The following ZNF280D variants were observed in gnomAD, a reference collection of about 807,000 sequenced individuals.
The protein encoded by ZNF280D is suppressor of hairy wing homolog 4.
ZNF280D carries 39 observed loss-of-function variants against 94.7 expected under a neutral mutation model. The ratio of observed to expected loss-of-function variants is 0.41; its 90% CI spans 0.32 to 0.54. The LOEUF is 0.54. ZNF280D is among the 20% of genes least tolerant of loss of function. ZNF280D has a pLI of 0.22. For synonymous variants in ZNF280D, 398 were observed against 377.6 expected, an observed-to-expected ratio of 1.05 and a Z score of -0.63; for missense variants, 1,090 against 1,149.3, an observed-to-expected ratio of 0.95 and a Z score of 0.75.
intron 1 of ZNF280D, among the ~76,000 whole-genome samples, chr15:56,719,553 C>A (rs78692403): frequency 0.015 from 2,232 of 152,060 alleles, 52 homozygotes; most frequent in African/African-American, 0.052. Flanking sequence ...TTATAAAATG[C>A]CCAAACTCAG....
chr15:56,644,661 C>T (rs1402254503), intron 19 of ZNF280D, among the ~76,000 whole-genome samples: 1 of 152,100 alleles, frequency 6.6e-6, no homozygotes, highest in Non-Finnish European at 1.5e-5. Flanking sequence ...CCATGCTAAT[C>T]ATTTTAGCAT....
At chr15:56,660,298 GTTTA>G (rs1180012621) in intron 16 of ZNF280D, among the ~76,000 whole-genome samples, 2 of 152,032 alleles carry the variant, frequency 1.3e-5, no homozygotes, top group African/African-American at 2.4e-5. Context: ...GCTATTTATG[GTTTA>G]TTTATCTATT....
At chr15:56,659,844 C>G (rs2053812286) in intron 16 of ZNF280D, among the ~76,000 whole-genome samples, 1 of 151,456 alleles carries the variant, frequency 6.6e-6, no homozygotes, top group South Asian at 2.1e-4. Context: ...TGGGTCAATG[C>G]TTACTCTCAG....
chr15:56,631,879 C>T lies in ZNF280D; in HGVS notation c.2559G>A (p.Met853Ile), dbSNP rs2052091840. The change falls in exon 22 of 22, where the codon ATG (methionine) becomes ATA (isoleucine). Residue 853 changes from methionine (M) to isoleucine (I), a missense_variant. By Grantham distance (10) the Met-to-Ile change is conservative. This residue lies in a region of ZNF280D where 577 missense variants were observed against 568.8 expected (regional missense o/e 1.01). Transcript: ENST00000267807. ...AGATTATGTTTTCTGAACTTTGGCACATCTTCAACTCCATTTCCTGACAAA... is the reference window on the plus strand; with the variant it reads ...AGATTATGTTTTCTGAACTTTGGCATATCTTCAACTCCATTTCCTGACAAA... The part of the protein sequence containing the change: ...QHVCQEMELK[M>I]CQSSENIILS... The T allele has an allele frequency of 1.2e-5, 19 of 1,613,754 alleles. No homozygotes were observed. Among genetic ancestry groups the T allele is most frequent in the Non-Finnish European group, 1.6e-5 (19 of 1,180,012 alleles).
At position 56,726,157 on chromosome 15, in the gene ZNF280D, A is replaced by G. The variant is rs536364122; in HGVS notation, c.-86+7301T>C. ...AACTTTAGAACAGAAACCTCAAGGA[A>G]CAACTTTCTAGGTACTGCCTGTATT... On this transcript the variant is annotated intron_variant, in intron 1 of 21. Coordinates refer to ENST00000267807, the MANE Select transcript of ZNF280D (RefSeq NM_017661.4). Among the ~76,000 whole-genome samples, 8 of 152,226 alleles carry G rather than the reference A, an allele frequency of 5.3e-5. No individual in the cohort carries two copies. The South Asian group carries it at 1.0e-3, about 20-fold the overall frequency.
intron 20 of ZNF280D, among the ~76,000 whole-genome samples, chr15:56,640,414 T>C (rs1205068645): frequency 2.0e-5 from 3 of 152,128 alleles, no homozygotes; most frequent in African/African-American, 7.2e-5. Context: ...TGTGCCATTG[T>C]GCCCAGCCTG....
In ZNF280D at chr15:56,631,461, CT is replaced by C. The variant is rs1566920514; in HGVS notation, c.*36del. On this transcript the variant is annotated 3_prime_UTR_variant, in exon 22 of 22. Coordinates refer to ENST00000267807, the MANE Select transcript of ZNF280D (RefSeq NM_017661.4). ...ACCTGATAGCACTGTTCCAAATGCC[CT>C]TATCGTTGGTACACTGAAACTTAAA... The C allele has an allele frequency of 6.3e-7, 1 of 1,596,734 alleles. No individual in the cohort carries two copies. Among genetic ancestry groups the C allele is most frequent in the Non-Finnish European group, 8.5e-7 (1 of 1,169,678 alleles).
Position 56,630,880 on chromosome 15 carries a change from T to C in ZNF280D, c.*618A>G, listed in dbSNP as rs1290602023. 2 of 152,262 alleles carry C rather than the reference T, an allele frequency of 1.3e-5. No individual in the cohort carries two copies. Among genetic ancestry groups the C allele is most frequent in the Non-Finnish European group, 2.9e-5 (2 of 68,084 alleles). The allele number at this position is 152,262 out of a possible 1,614,324, so 9.4% of individuals were successfully genotyped here. A position where few individuals can be genotyped will look rare whatever the true frequency, so the allele number is the denominator to read the frequency against. ...TAACACTTGTATGGAGGTACAAAGA[T>C]TCAAATATTCTGTTTACATGCGTCT... On this transcript the variant is annotated 3_prime_UTR_variant, in exon 22 of 22. Coordinates refer to ENST00000267807, the MANE Select transcript of ZNF280D (RefSeq NM_017661.4).
At position 56,650,531 on chromosome 15, in the gene ZNF280D, C is replaced by T. The variant is rs1226365924; in HGVS notation, c.2213+3667G>A. 2.0e-5 allele frequency among the ~76,000 whole-genome samples: 3 copies of T among 152,112 alleles called. No homozygotes were observed. The East Asian group carries it at 5.8e-4, about 29-fold the overall frequency. On this transcript the variant is annotated intron_variant, in intron 19 of 21. Transcript: ENST00000267807. ...TTGCTTAGAACAAACATGGATGTCA[C>T]TCAGAGAACTAAATCAACTTTTAAA... is the stretch of plus-strand genomic sequence containing the variant.
intron 13 of ZNF280D, among the ~76,000 whole-genome samples, chr15:56,672,520 G>A (rs1290513180): frequency 1.3e-5 from 2 of 151,986 alleles, no homozygotes; most frequent in African/African-American, 4.8e-5. Context: ...CCAACCTAGG[G>A]ATAAAGCCTA....
chr15:56,702,249 A>G (rs1424089689), intron 4 of ZNF280D, among the ~76,000 whole-genome samples: 1 of 152,158 alleles, frequency 6.6e-6, no homozygotes, highest in Non-Finnish European at 1.5e-5. Context: ...TCATTCAGAA[A>G]TTCAGGATTA....
At chr15:56,655,209 T>A (rs1204266228) in intron 17 of ZNF280D, among the ~76,000 whole-genome samples, 1 of 152,212 alleles carries the variant, frequency 6.6e-6, no homozygotes, top group Non-Finnish European at 1.5e-5. Context: ...GAGTTCCTCA[T>A]CATCTCAGCA....
At chr15:56,633,673 T>C (rs2052204123) in intron 21 of ZNF280D, among the ~76,000 whole-genome samples, 1 of 151,884 alleles carries the variant, frequency 6.6e-6, no homozygotes, top group Non-Finnish European at 1.5e-5. Flanking sequence ...ATATTTTTAG[T>C]AGAGACGGGG....
intron 13 of ZNF280D, among the ~76,000 whole-genome samples, chr15:56,671,747 T>C (rs1169252736): frequency 2.6e-5 from 4 of 152,188 alleles, no homozygotes; most frequent in Non-Finnish European, 5.9e-5. Flanking sequence ...TAGCACTGAA[T>C]CTATAAATTA....
chr15:56,717,165 A>T (rs1326789784), intron 1 of ZNF280D, among the ~76,000 whole-genome samples: 1 of 152,156 alleles, frequency 6.6e-6, no homozygotes, highest in African/African-American at 2.4e-5. Flanking sequence ...TACCAGAGGG[A>T]GAGTCTTAAT....
chr15:56,669,393 C>G (rs752430351), intron 13 of ZNF280D, among the ~76,000 whole-genome samples: 1 of 151,884 alleles, frequency 6.6e-6, no homozygotes, highest in South Asian at 2.1e-4. Context: ...TCTAACCAGA[C>G]ATTTCAAAGA....
intron 20 of ZNF280D, among the ~76,000 whole-genome samples, chr15:56,640,728 A>T (rs1043741923): frequency 3.3e-5 from 5 of 152,150 alleles, no homozygotes; most frequent in Non-Finnish European, 7.4e-5. Flanking sequence ...CATTTGCAGG[A>T]TTCCACTGTG....
chr15:56,659,008 T>G (rs963882543), intron 16 of ZNF280D, among the ~76,000 whole-genome samples: 4 of 151,982 alleles, frequency 2.6e-5, no homozygotes. Context: ...CAGTGTTCCT[T>G]GTAATTACTA....
chr15:56,701,348 T>C (rs1454986912), intron 4 of ZNF280D, 110 bp from the exon 5 acceptor site: 1 of 715,638 alleles, frequency 1.4e-6, no homozygotes, highest in African/African-American at 1.8e-5. Context: ...AAGGAGTATA[T>C]AACTAATCAC....
Sources: allele counts gnomAD v4.1 joint callset (sites outside exome capture counted in the v4.1 genomes callset), GRCh38; gene constraint gnomAD v4.1.1; regional missense constraint gnomAD v4.1.1; transcripts MANE v1.5; gene names NCBI Gene and HGNC (gene_info 2026-07-23, HGNC 2026-07-21).